Variants in RPS6KA4 observed in about 807,000 individuals in gnomAD.
The protein encoded by RPS6KA4 is ribosomal protein S6 kinase A4, also known as ribosomal protein S6 kinase alpha-4.
Under a neutral mutation model 89.6 loss-of-function variants are expected in RPS6KA4, and 38 were observed. The observed-to-expected ratio is 0.42, with a 90% confidence interval of 0.33 to 0.56. The LOEUF is 0.56. Ranked by LOEUF, RPS6KA4 falls within the 20% of genes least tolerant of loss-of-function variation. The probability of loss-of-function intolerance (pLI) is 0.07; values close to 1 mark genes in which losing one functional copy is unlikely to be tolerated. For synonymous variants in RPS6KA4, 495 were observed against 492.8 expected, an observed-to-expected ratio of 1.00 and a Z score of -0.06; for missense variants, 873 against 1,098.8, an observed-to-expected ratio of 0.79 and a Z score of 2.90.
chr11:64,360,977 A>C, intron 4 of RPS6KA4, 157 bp from the exon 5 acceptor site: 1 of 601,476 alleles, frequency 1.7e-6, no homozygotes, highest in Non-Finnish European at 2.9e-6. Flanking sequence ...TTATATCTTA[A>C]ATGGCCTTTC....
chr11:64,360,720 G>A lies in RPS6KA4; in HGVS notation c.462+128G>A, dbSNP rs1239893703. ...GGGGGGCCAGTGGTGAGCTGGGTGG[G>A]AATTGGAGCTGCTTCCCCTGGACCC... On this transcript the variant is annotated intron_variant, in intron 4 of 16. Transcript: ENST00000334205. 1.1e-5 allele frequency: 9 copies of A among 804,652 alleles called. No individual in the cohort carries two copies. In the East Asian group the frequency reaches 2.4e-4, roughly 22 times the overall value. The allele number at this position is 804,652 out of a possible 1,614,324, so 49.8% of individuals were successfully genotyped here. A position where few individuals can be genotyped will look rare whatever the true frequency, so the allele number is the denominator to read the frequency against.
Position 64,359,229 on chromosome 11 carries a change from G to C in RPS6KA4, c.-7G>C. On this transcript the variant is annotated 5_prime_UTR_variant, in exon 1 of 17. Coordinates refer to ENST00000334205, the MANE Select transcript of RPS6KA4 (RefSeq NM_003942.3). The stretch of plus-strand genomic sequence containing the variant: ...CGAGCCGCGCGGGCCCCAGCGACCC[G>C]CCCGCCATGGGGGACGAGGACGACG... 2 of 1,352,890 alleles carry C rather than the reference G, an allele frequency of 1.5e-6. No homozygotes were observed. Among genetic ancestry groups the C allele is most frequent in the Non-Finnish European group, 9.6e-7 (1 of 1,042,686 alleles). 83.8% of individuals were successfully genotyped at this position (1,352,890 alleles called of 1,614,324 possible).
chr11:64,369,394 G>C, intron 12 of RPS6KA4, 52 bp from the exon 13 acceptor site: 1 of 1,505,124 alleles, frequency 6.6e-7, no homozygotes, highest in Non-Finnish European at 8.9e-7. Context: ...TGGTGGGAGG[G>C]GGCTTGCCGC....
At chr11:64,362,970 C>T (rs1159485257) in intron 8 of RPS6KA4, among the ~76,000 whole-genome samples, 1 of 152,206 alleles carries the variant, frequency 6.6e-6, no homozygotes, top group Non-Finnish European at 1.5e-5. Flanking sequence ...CACGCCCTGC[C>T]ACAACCACCT....
In RPS6KA4 at chr11:64,369,562, G is replaced by A. The variant is rs1006300564; in HGVS notation, c.1545G>A (p.Ser515=). Residue 515 remains serine, a synonymous_variant, in exon 13 of 17, where the codon TCG becomes TCA. Coordinates refer to ENST00000334205, the MANE Select transcript of RPS6KA4 (RefSeq NM_003942.3). ...EASQILRSLV[S]AVSFMHEEAG... ...GCCAGATCCTGCGCAGCCTCGTGTC[G>A]GCCGTGAGCTTCATGCACGAGGAGG... is the stretch of plus-strand genomic sequence containing the variant. 1 of 1,606,934 alleles carries A rather than the reference G, an allele frequency of 6.2e-7. No individual in the cohort carries two copies. Among genetic ancestry groups the A allele is most frequent in the African/African-American group, 1.3e-5 (1 of 74,974 alleles).
At chr11:64,368,879 G>A in intron 12 of RPS6KA4, 82 bp downstream of exon 12, 2 of 1,313,652 alleles carry the variant, frequency 1.5e-6, no homozygotes, top group Non-Finnish European at 2.1e-6. Flanking sequence ...GGATCTAGGG[G>A]TGAATTGGGC....
In RPS6KA4 at chr11:64,361,260, T is replaced by G. The variant is rs1284403669; in HGVS notation, c.570+19T>G. 6.4e-7 allele frequency: 1 copy of G among 1,574,416 alleles called. No homozygotes were observed. The highest frequency in any genetic ancestry group is 8.7e-7 in the Non-Finnish European group (1 of 1,145,062). ...GGAGGAGGTGAGTGGAGGCCACCTCTGCCTGCAGTGCCCCATTCAATCCTT... is the reference window on the plus strand; with the variant it reads ...GGAGGAGGTGAGTGGAGGCCACCTCGGCCTGCAGTGCCCCATTCAATCCTT... On this transcript the variant is annotated intron_variant, in intron 5 of 16. Coordinates refer to ENST00000334205, the MANE Select transcript of RPS6KA4 (RefSeq NM_003942.3). The surrounding 1 kb of genome is among the most constrained non-coding windows in gnomAD (Gnocchi z 4.7).
At position 64,369,526 on chromosome 11, in the gene RPS6KA4, G is replaced by A. The variant is rs779287745; in HGVS notation, c.1509G>A (p.Glu503=). 70 of 1,609,254 alleles carry A rather than the reference G, an allele frequency of 4.3e-5. No individual in the cohort carries two copies. The highest frequency in any genetic ancestry group is 5.8e-5 in the Non-Finnish European group (68 of 1,178,610). ...TCCGCAAGAAGCGGCACTTCAGCGA[G>A]TCGGAAGCAAGCCAGATCCTGCGCA... ...EHIRKKRHFS[E]SEASQILRSL... The change falls in exon 13 of 17, where the codon GAG becomes GAA. Residue 503 remains glutamate (E), a synonymous_variant. Coordinates refer to ENST00000334205, the MANE Select transcript of RPS6KA4 (RefSeq NM_003942.3).
At chr11:64,371,259 C>T in intron 16 of RPS6KA4, 24 bp from the exon 17 acceptor site, 1 of 1,609,120 alleles carries the variant, frequency 6.2e-7, no homozygotes, top group Non-Finnish European at 8.5e-7. Context: ...GGGGTGGGGG[C>T]ACTCACCCTT....
rs1191831562 is a variant in RPS6KA4 at position 64,361,220 on chromosome 11, C to T, written c.549C>T (p.Ser183=). 6.2e-7 allele frequency: 1 copy of T among 1,613,252 alleles called. No homozygotes were observed. Among genetic ancestry groups the T allele is most frequent in the African/African-American group, 1.3e-5 (1 of 74,922 alleles). The change falls in exon 5 of 17, where the codon AGC becomes AGT. Residue 183 remains serine, a synonymous_variant. Transcript: ENST00000334205. The surrounding 1 kb of genome is among the most constrained non-coding windows in gnomAD (Gnocchi z 4.7). The part of the protein sequence containing the change: ...GHIVLTDFGL[S]KEFLTEEKER... ...TTGTCCTCACGGACTTCGGGCTGAG[C>T]AAGGAGTTCCTGACGGAGGAGGTGA...
At chr11:64,362,940 G>A (rs1452364405) in intron 8 of RPS6KA4, among the ~76,000 whole-genome samples, 1 of 152,118 alleles carries the variant, frequency 6.6e-6, no homozygotes, top group Non-Finnish European at 1.5e-5. Context: ...CAAAGTGTTG[G>A]GATTACAGGT....
chr11:64,362,403 C>T (rs1470702316), intron 8 of RPS6KA4, among the ~76,000 whole-genome samples: 6 of 152,246 alleles, frequency 3.9e-5, no homozygotes, highest in Admixed American at 3.9e-4. Flanking sequence ...TTAGCACCCA[C>T]CCAGGCATTT....
rs1418251990 is a variant in RPS6KA4, at chr11:64,370,715, G to T, written c.2110G>T (p.Ala704Ser). Residue 704 changes from alanine (A) to serine (S), a missense_variant, in exon 16 of 17, where the codon GCC (alanine) becomes TCC (serine). Transcript: ENST00000334205. The surrounding 1 kb of genome is among the most constrained non-coding windows in gnomAD (Gnocchi z 4.1). ...SGPAVRSGLN[A>S]TFMAFNRGKR... ...GCCCGCAGTGCGCTCGGGTCTCAAC[G>T]CCACCTTCATGGTAAGGGGCAGGGT... is the stretch of plus-strand genomic sequence containing the variant. The T allele has an allele frequency of 6.4e-7, 1 of 1,554,254 alleles. No homozygotes were observed. Among genetic ancestry groups the T allele is most frequent in the South Asian group, 1.2e-5 (1 of 86,178 alleles).
chr11:64,361,270 G>A lies in RPS6KA4; in HGVS notation c.570+29G>A. ...AGTGGAGGCCACCTCTGCCTGCAGT[G>A]CCCCATTCAATCCTTCTCCTTCCTG... On this transcript the variant is annotated intron_variant, in intron 5 of 16. Transcript: ENST00000334205. This position sits in a 1 kb window ranked among gnomAD's most constrained non-coding sequence, Gnocchi z 4.7. 1 of 1,583,718 alleles carries A rather than the reference G, an allele frequency of 6.3e-7. No individual in the cohort carries two copies. Among genetic ancestry groups the A allele is most frequent in the Non-Finnish European group, 8.7e-7 (1 of 1,154,160 alleles).
chr11:64,369,664 G>A (rs2037001796), intron 13 of RPS6KA4, 35 bp from the exon 14 acceptor site: 2 of 1,600,936 alleles, frequency 1.2e-6, no homozygotes, highest in African/African-American at 1.3e-5. Context: ...TGGCGCCGGG[G>A]GCTGCCTCTG....
rs145421514 is a variant in RPS6KA4, at chr11:64,370,699, G to A, written c.2094G>A (p.Val698=). ...PDVLESSGPA[V]RSGLNATFMA... ...TGCTCGAGTCCTCTGGGCCCGCAGT[G>A]CGCTCGGGTCTCAACGCCACCTTCA... Residue 698 remains valine (V), a synonymous_variant, in exon 16 of 17, where the codon GTG becomes GTA. Coordinates refer to ENST00000334205, the MANE Select transcript of RPS6KA4 (RefSeq NM_003942.3). This position sits in a 1 kb window ranked among gnomAD's most constrained non-coding sequence, Gnocchi z 4.1. 4.7e-5 allele frequency: 73 copies of A among 1,567,986 alleles called. No homozygotes were observed. In the African/African-American group the frequency reaches 8.3e-4, roughly 18 times the overall value.
At position 64,371,443 on chromosome 11, in the gene RPS6KA4, C is replaced by G; in HGVS notation, c.2282C>G (p.Ala761Gly). 4 of 1,574,658 alleles carry G rather than the reference C, an allele frequency of 2.5e-6. No individual in the cohort carries two copies. Among genetic ancestry groups the G allele is most frequent in the Non-Finnish European group, 3.5e-6 (4 of 1,157,658 alleles). Residue 761 changes from alanine to glycine, a missense_variant, in exon 17 of 17, where the codon GCC becomes GGC. Physicochemically the swap from Ala to Gly is moderately conservative, Grantham distance 60. This residue lies in a region of RPS6KA4 where 278 missense variants were observed against 284.8 expected (regional missense o/e 0.98). Transcript: ENST00000334205. ...PGRAPVASKG[A>G]PRRANGPLPP... ...CGAGCCCCCGTCGCCTCCAAAGGGG[C>G]CCCCCGCCGAGCCAACGGCCCCCTG...
rs2036997815 is a variant in RPS6KA4, at chr11:64,369,587, G to T, written c.1570G>T (p.Ala524Ser). The change falls in exon 13 of 17, where the codon GCG (alanine) becomes TCG (serine). Residue 524 changes from alanine to serine, a missense_variant. Transcript: ENST00000334205. ...VSAVSFMHEE[A>S]GVVHRDLKPE... is the part of the protein sequence containing the mutation. ...GGCCGTGAGCTTCATGCACGAGGAG[G>T]CGGGCGTGGTGCACCGCGACCTCAA... The T allele has an allele frequency of 1.2e-6, 2 of 1,605,542 alleles. No individual in the cohort carries two copies. Among genetic ancestry groups the T allele is most frequent in the African/African-American group, 2.7e-5 (2 of 74,810 alleles).
chr11:64,363,106 G>A (rs1054988108), intron 8 of RPS6KA4, among the ~76,000 whole-genome samples: 4 of 152,176 alleles, frequency 2.6e-5, no homozygotes, highest in Non-Finnish European at 5.9e-5. Flanking sequence ...GTGCTTAATG[G>A]TCTTCTGCTT....
Sources: gnomAD v4.1 joint callset for allele counts (sites outside exome capture counted in the v4.1 genomes callset) on GRCh38, gnomAD v4.1.1 for gene constraint, gnomAD v4.1.1 regional missense constraint, Gnocchi (gnomAD v3.1) non-coding constraint, MANE v1.5 for transcripts, NCBI Gene and HGNC (gene_info 2026-07-23, HGNC 2026-07-21) for gene names.